MAP2K5: variants seen among roughly 807,000 people sequenced by gnomAD.
MAP2K5 encodes the protein mitogen-activated protein kinase kinase 5, also known as dual specificity mitogen-activated protein kinase kinase 5.
In MAP2K5, 49 loss-of-function variants were observed where a neutral mutation model predicts 83.1. The ratio of observed to expected loss-of-function variants is 0.59; its 90% confidence interval spans 0.47 to 0.75. The LOEUF (loss-of-function observed/expected upper bound fraction) is 0.75, where lower values mean the gene tolerates loss of function less well. MAP2K5 is among the 30% of genes least tolerant of loss of function. MAP2K5 has a pLI of 0.00. For synonymous variants in MAP2K5, 202 were observed against 191.8 expected (o/e 1.05, Z -0.44); for missense variants, 457 against 557.5 (o/e 0.82, Z 1.82).
chr15:67,753,916 C>T (rs1002831980), intron 19 of MAP2K5, among the ~76,000 whole-genome samples: 16 of 152,152 alleles, frequency 1.1e-4, no homozygotes, highest in Admixed American at 6.5e-5. Context: ...ACATTCATAG[C>T]GGCATTATTC....
At chr15:67,594,183 G>T (rs1830970408) in intron 7 of MAP2K5, among the ~76,000 whole-genome samples, 3 of 152,062 alleles carry the variant, frequency 2.0e-5, no homozygotes, top group Admixed American at 2.0e-4. Context: ...TATAATCTTT[G>T]TAGTCTCAAC....
At position 67,652,803 on chromosome 15, in the gene MAP2K5, G is replaced by T. The variant is rs556632185; in HGVS notation, c.737-5750G>T. 1.3e-5 allele frequency among the ~76,000 whole-genome samples: 2 copies of T among 151,960 alleles called. No individual in the cohort carries two copies. Among genetic ancestry groups the T allele is most frequent in the Non-Finnish European group, 2.9e-5 (2 of 67,986 alleles). On this transcript the variant is annotated intron_variant, in intron 11 of 21. Transcript: ENST00000178640. The surrounding 1 kb of genome is among the most constrained non-coding windows in gnomAD (Gnocchi z 4.2). ...AAATAAGAACTCCTCATTCACCCCC[G>T]CTCCCAGCCCCTGGCAAACAGCATT...
chr15:67,620,185 A>G (rs535375687), intron 8 of MAP2K5, among the ~76,000 whole-genome samples: 3 of 152,366 alleles, frequency 2.0e-5, no homozygotes, highest in African/African-American at 7.2e-5. Context: ...AGCTTGACCA[A>G]CATGGTCAAA....
At position 67,600,613 on chromosome 15, in the gene MAP2K5, C is replaced by T. The variant is rs1003497990; in HGVS notation, c.481-72C>T. ...CCCAGACTGCTTGTTGTTTATGGCC[C>T]AGAGTTGCTTTTCCTTGACATTTCC... is the stretch of plus-strand genomic sequence containing the variant. On this transcript the variant is annotated intron_variant, in intron 7 of 21. Coordinates refer to ENST00000178640, the MANE Select transcript of MAP2K5 (RefSeq NM_145160.3). 14 of 1,180,860 alleles carry T rather than the reference C, an allele frequency of 1.2e-5. No homozygotes were observed. In the East Asian group the frequency reaches 1.9e-4, roughly 16 times the overall value. The allele number at this position is 1,180,860 out of a possible 1,614,324, so 73.1% of individuals were successfully genotyped here.
intron 1 of MAP2K5, among the ~76,000 whole-genome samples, chr15:67,544,613 A>T (rs748579986): frequency 6.6e-6 from 1 of 152,228 alleles, no homozygotes; most frequent in Non-Finnish European, 1.5e-5. Context: ...TTTGAGATAG[A>T]CAGGGTGCCT....
intron 13 of MAP2K5, among the ~76,000 whole-genome samples, chr15:67,669,840 TA>T (rs1443279977): frequency 6.6e-6 from 1 of 152,142 alleles, no homozygotes; most frequent in Admixed American, 6.5e-5. Flanking sequence ...ACAGAGCAAT[TA>T]GAATTCTCAT....
chr15:67,666,026 A>C (rs1268024775), intron 13 of MAP2K5, among the ~76,000 whole-genome samples: 1 of 152,168 alleles, frequency 6.6e-6, no homozygotes, highest in Non-Finnish European at 1.5e-5. Flanking sequence ...TCAAAATTTT[A>C]TTGATTCTTT....
In MAP2K5 at chr15:67,755,074, A is replaced by G. The variant is rs1488491921; in HGVS notation, c.1134+6473A>G. Among the ~76,000 whole-genome samples, 2 of 152,164 alleles carry G rather than the reference A, an allele frequency of 1.3e-5. No homozygotes were observed. The highest frequency in any genetic ancestry group is 2.9e-5 in the Non-Finnish European group (2 of 68,016). On this transcript the variant is annotated intron_variant, in intron 19 of 21. Coordinates refer to ENST00000178640, the MANE Select transcript of MAP2K5 (RefSeq NM_145160.3). This position sits in a 1 kb window ranked among gnomAD's most constrained non-coding sequence, Gnocchi z 4.7. Reference sequence around the variant, plus strand: ...ACTGCAACCTCCGCCTCCTGGGTTCATGCAATCCTCCCACCTCAGCCTCCC... The same window carrying G: ...ACTGCAACCTCCGCCTCCTGGGTTCGTGCAATCCTCCCACCTCAGCCTCCC...
intron 15 of MAP2K5, among the ~76,000 whole-genome samples, chr15:67,696,436 A>C (rs543034031): frequency 6.6e-6 from 1 of 152,278 alleles, no homozygotes; most frequent in South Asian, 2.1e-4. Flanking sequence ...AACATGAAAA[A>C]TATTTACTAG....
rs560857164 is a variant in MAP2K5 at position 67,616,414 on chromosome 15, A to G, written c.546-14474A>G. 3.3e-5 allele frequency among the ~76,000 whole-genome samples: 5 copies of G among 152,292 alleles called. No individual in the cohort carries two copies. The South Asian group carries it at 1.0e-3, about 32-fold the overall frequency. Reference sequence around the variant, plus strand: ...TCTTGTCTCGATCAAACTTTTTCATAATGAATCAGATCTCAGAGAGCTTTC... The same window carrying G: ...TCTTGTCTCGATCAAACTTTTTCATGATGAATCAGATCTCAGAGAGCTTTC... On this transcript the variant is annotated intron_variant, in intron 8 of 21. Transcript: ENST00000178640.
At chr15:67,711,614 C>T (rs1339553272) in intron 16 of MAP2K5, among the ~76,000 whole-genome samples, 5 of 152,192 alleles carry the variant, frequency 3.3e-5, no homozygotes, top group Admixed American at 3.3e-4. Flanking sequence ...AGTTTCACCT[C>T]AACCTCCACT....
rs781247733 is a variant in MAP2K5, at chr15:67,580,761, C to T, written c.260C>T (p.Ser87Phe). Residue 87 changes from serine to phenylalanine, a missense_variant, in exon 4 of 22, where the codon TCC becomes TTC. Physicochemically the swap from Ser to Phe is radical, Grantham distance 155 (BLOSUM62 -2). Around this residue, in one of 3 missense-constraint regions of MAP2K5, gnomAD observed 234 missense variants for 243.6 expected, o/e 0.96. Coordinates refer to ENST00000178640, the MANE Select transcript of MAP2K5 (RefSeq NM_145160.3). ...EMKAMLSYYY[S>F]TVMEQQVNGQ... ...TCTATAATCTCTTTGCAGTATTATT[C>T]CACAGTAATGGAACAGCAAGTAAAT... The T allele has an allele frequency of 1.6e-5, 25 of 1,597,610 alleles. No homozygotes were observed. In the Admixed American group the frequency reaches 3.5e-4, roughly 22 times the overall value.
chr15:67,614,920 G>T (rs972346744), intron 8 of MAP2K5, among the ~76,000 whole-genome samples: 2 of 152,130 alleles, frequency 1.3e-5, no homozygotes, highest in East Asian at 1.9e-4. Context: ...TGTACAATCA[G>T]TTATCTTGAA....
intron 7 of MAP2K5, among the ~76,000 whole-genome samples, chr15:67,599,212 G>A (rs143722898): frequency 1.3e-5 from 2 of 152,222 alleles, no homozygotes; most frequent in African/African-American, 4.8e-5. Context: ...TAGTATAAAG[G>A]TAGTGATGAA....
chr15:67,682,319 C>T lies in MAP2K5; in HGVS notation c.848-10160C>T, dbSNP rs550322094. Among the ~76,000 whole-genome samples, 16 of 151,814 alleles carry T rather than the reference C, an allele frequency of 1.1e-4. 1 individual carries two copies. The South Asian group carries it at 2.7e-3, about 26-fold the overall frequency. On this transcript the variant is annotated intron_variant, in intron 13 of 21. Transcript: ENST00000178640. Reference sequence around the variant, plus strand: ...GCAACCTCCGCCTCCTGGGTTCAAGCGATTCTCCTGCCTCAGCCCTCAGCC... The same window carrying T: ...GCAACCTCCGCCTCCTGGGTTCAAGTGATTCTCCTGCCTCAGCCCTCAGCC...
At chr15:67,767,777 G>A (rs1174125464) in intron 19 of MAP2K5, among the ~76,000 whole-genome samples, 2 of 152,028 alleles carry the variant, frequency 1.3e-5, no homozygotes, top group African/African-American at 4.8e-5. Flanking sequence ...TTTCTTTTGA[G>A]TGGACTGTTT....
intron 21 of MAP2K5, among the ~76,000 whole-genome samples, chr15:67,784,702 T>G (rs943526170): frequency 6.6e-6 from 1 of 152,212 alleles, no homozygotes; most frequent in Non-Finnish European, 1.5e-5. Flanking sequence ...TATGTAATCA[T>G]TGTTTCTTTG....
At chr15:67,584,006 C>G (rs925809070) in intron 4 of MAP2K5, among the ~76,000 whole-genome samples, 1 of 152,152 alleles carries the variant, frequency 6.6e-6, no homozygotes, top group Non-Finnish European at 1.5e-5. Flanking sequence ...ACCACCACTT[C>G]TCCAAGTGCT....
intron 13 of MAP2K5, among the ~76,000 whole-genome samples, chr15:67,671,565 A>T (rs1244394012): frequency 6.6e-6 from 1 of 152,214 alleles, no homozygotes; most frequent in Admixed American, 6.5e-5. Flanking sequence ...AGTATCAGGG[A>T]CACTGAAAAT....
Sources: allele counts gnomAD v4.1 joint callset (sites outside exome capture counted in the v4.1 genomes callset), GRCh38; gene constraint gnomAD v4.1.1; regional missense constraint gnomAD v4.1.1; non-coding constraint Gnocchi (gnomAD v3.1); transcripts MANE v1.5; gene names NCBI Gene and HGNC (gene_info 2026-07-23, HGNC 2026-07-21).